Variants in FAM217B observed in about 807,000 individuals in gnomAD.
FAM217B encodes family with sequence similarity 217 member B, also known as protein FAM217B.
For missense variants in FAM217B, 463 were observed against 456.9 expected (o/e 1.01, Z -0.12); for synonymous variants, 163 against 173.0 (o/e 0.94, Z 0.45).
In FAM217B at chr20:59,944,091, GA is replaced by G; in HGVS notation, c.151del (p.Ser51AlafsTer32). ...CCAGCCTACTGAAGAAAAACTTAAA[GA>G]AAGCATTTCCCCGGAAGCAAGACGC... ...VTQPTEEKLK[E>X]SISPEARRKR... On this transcript the variant is annotated frameshift_variant, in exon 4 of 4. Transcript: ENST00000360816. LOFTEE classifies it low-confidence loss of function (END_TRUNC). 2 of 1,613,980 alleles carry G rather than the reference GA, an allele frequency of 1.2e-6. No individual in the cohort carries two copies. Among genetic ancestry groups the G allele is most frequent in the Non-Finnish European group, 1.7e-6 (2 of 1,179,916 alleles).
chr20:59,939,260 G>A, upstream of FAM217B: 1 of 1,611,578 alleles, frequency 6.2e-7, no homozygotes. Flanking sequence ...CTGCGGGCCC[G>A]CGCCACCGCG....
At chr20:59,936,680 A>G (rs2060864187), upstream of FAM217B, 2 of 152,360 alleles carry the variant, frequency 1.3e-5, no homozygotes, top group South Asian at 4.1e-4. Context: ...CAATGACAAA[A>G]TTTATTTTTG....
At chr20:59,934,021 C>G (rs1229179828) in intron 1 of FAM217B, among the ~76,000 whole-genome samples, 1 of 152,124 alleles carries the variant, frequency 6.6e-6, no homozygotes, top group African/African-American at 2.4e-5. Context: ...GGGACGGAAG[C>G]GCGGGCGGGA....
rs922408102 is a variant in FAM217B, at chr20:59,946,539, C to A, written c.*1444C>A. 6.0e-6 allele frequency: 1 copy of A among 166,942 alleles called. No homozygotes were observed. The highest frequency in any genetic ancestry group is 1.5e-5 in the Non-Finnish European group (1 of 68,066). 10.3% of individuals were successfully genotyped at this position (166,942 alleles called of 1,614,324 possible). On this transcript the variant is annotated 3_prime_UTR_variant, in exon 4 of 4. Transcript: ENST00000360816. ...ATTATACGTATATAATTATAAAAAA[C>A]AATGTGCAAGGGTTATATTTTAAGG...
At chr20:59,939,978 C>G (rs770417212), upstream of FAM217B, 48 of 1,243,326 alleles carry the variant, frequency 3.9e-5, no homozygotes, top group Admixed American at 4.0e-5. Context: ...GAGACGACCT[C>G]CCGACCCCGC....
Position 59,944,243 on chromosome 20 carries a change from G to A in FAM217B, c.300G>A (p.Ser100=), listed in dbSNP as rs374917348. The A allele has an allele frequency of 1.9e-6, 3 of 1,614,032 alleles. No individual in the cohort carries two copies. Among genetic ancestry groups the A allele is most frequent in the Non-Finnish European group, 2.5e-6 (3 of 1,180,010 alleles). Residue 100 remains serine (S), a synonymous_variant, in exon 4 of 4, where the codon TCG becomes TCA. Transcript: ENST00000360816. ...ACAGTGCAAGTGATCTCTCTGATTCGGAAAGAATTCCCATTCCTCCTTCTC... is the reference window on the plus strand; with the variant it reads ...ACAGTGCAAGTGATCTCTCTGATTCAGAAAGAATTCCCATTCCTCCTTCTC... ...DEDSASDLSD[S]ERIPIPPSPL... is the part of the protein sequence containing the mutation.
Position 59,944,664 on chromosome 20 carries a change from G to C in FAM217B, c.721G>C (p.Ala241Pro). ...CAAGCCACTACCTCACCAGGAAGGGGCTTCAAAGTCAGGCCCTTCCCGAAA... is the reference window on the plus strand; with the variant it reads ...CAAGCCACTACCTCACCAGGAAGGGCCTTCAAAGTCAGGCCCTTCCCGAAA... ...LSKPLPHQEG[A>P]SKSGPSRKKA... The change falls in exon 4 of 4, where the codon GCT becomes CCT. Residue 241 changes from alanine to proline, a missense_variant. Physicochemically the swap from Ala to Pro is conservative, Grantham distance 27 (BLOSUM62 -1). Transcript: ENST00000360816. The C allele has an allele frequency of 1.2e-6, 2 of 1,614,118 alleles. No individual in the cohort carries two copies. The highest frequency in any genetic ancestry group is 1.7e-6 in the Non-Finnish European group (2 of 1,180,024).
chr20:59,941,164 G>A (rs2060902732), intron 1 of FAM217B, among the ~76,000 whole-genome samples: 1 of 152,224 alleles, frequency 6.6e-6, no homozygotes. Flanking sequence ...AAGCATACCA[G>A]GTGAAATGAA....
upstream of FAM217B, chr20:59,938,957 G>GT: frequency 7.2e-7 from 1 of 1,383,792 alleles, no homozygotes; most frequent in East Asian, 2.5e-5. Context: ...CCAGATAGAT[G>GT]TGAGAGCCCA....
intron 1 of FAM217B, among the ~76,000 whole-genome samples, chr20:59,940,793 G>A (rs2060899769): frequency 6.6e-6 from 1 of 152,184 alleles, no homozygotes; most frequent in African/African-American, 2.4e-5. Context: ...GCCTCACTGC[G>A]TAGAGGAGCA....
chr20:59,937,718 T>A (rs1469913183), upstream of FAM217B: 6 of 152,444 alleles, frequency 3.9e-5, no homozygotes, highest in Admixed American at 3.9e-4. Context: ...CAGACCACTG[T>A]TCAGCACCAA....
chr20:59,945,219 T>A lies in FAM217B; in HGVS notation c.*124T>A, dbSNP rs1041866498. On this transcript the variant is annotated 3_prime_UTR_variant, in exon 4 of 4. Coordinates refer to ENST00000360816, the MANE Select transcript of FAM217B (RefSeq NM_022106.3). The stretch of plus-strand genomic sequence containing the variant: ...CTGACATTTAAGTAGTTGACTGGCA[T>A]TTTTGTCCACCTTTATTTCTACCCT... 3 of 838,148 alleles carry A rather than the reference T, an allele frequency of 3.6e-6. No homozygotes were observed. Among genetic ancestry groups the A allele is most frequent in the African/African-American group, 3.4e-5 (2 of 57,984 alleles). 51.9% of individuals were successfully genotyped at this position (838,148 alleles called of 1,614,324 possible).
At chr20:59,941,625 ATAATATG>A (rs1318171125) in intron 1 of FAM217B, among the ~76,000 whole-genome samples, 3 of 152,238 alleles carry the variant, frequency 2.0e-5, no homozygotes, top group Admixed American at 6.5e-5. Context: ...GAGATGATAT[ATAATATG>A]TAATATGTAT....
rs2060911203 is a variant in FAM217B, at chr20:59,942,517, ATAGTTT to A, written c.-5+10_-5+15del. On this transcript the variant is annotated splice_donor_region_variant and intron_variant, in intron 3 of 3. Transcript: ENST00000360816. ...TGAATCTCATCAGAAAAGCAGGTAA[ATAGTTT>A]TAGTATAATTGCTTTATCTTGCAAA... 1 of 152,208 alleles carries A rather than the reference ATAGTTT, an allele frequency of 6.6e-6. No individual in the cohort carries two copies. The highest frequency in any genetic ancestry group is 2.1e-4 in the South Asian group (1 of 4,830). The allele number at this position is 152,208 out of a possible 1,614,324, so 9.4% of individuals were successfully genotyped here.
At chr20:59,939,305 AGT>A, upstream of FAM217B, 1 of 1,612,256 alleles carries the variant, frequency 6.2e-7, no homozygotes, top group Non-Finnish European at 8.5e-7. Context: ...AGCCCGAGAA[AGT>A]GTAGCGCACA....
chr20:59,942,075 A>G (rs2060908707), intron 1 of FAM217B, 123 bp from the exon 2 acceptor site: 1 of 152,524 alleles, frequency 6.6e-6, no homozygotes, highest in South Asian at 2.1e-4. Flanking sequence ...AAACCACTAT[A>G]TGATCACAGC....
chr20:59,941,567 G>A (rs565603836), intron 1 of FAM217B, among the ~76,000 whole-genome samples: 2 of 152,072 alleles, frequency 1.3e-5, no homozygotes, highest in African/African-American at 4.8e-5. Flanking sequence ...CTCAAAATGA[G>A]AGGGGAATAA....
In FAM217B at chr20:59,947,650, T is replaced by C. The variant is rs1333568669; in HGVS notation, c.*2555T>C. 6.0e-6 allele frequency: 1 copy of C among 167,122 alleles called. No homozygotes were observed. Among genetic ancestry groups the C allele is most frequent in the East Asian group, 1.9e-4 (1 of 5,204 alleles). The allele number at this position is 167,122 out of a possible 1,614,324, so 10.4% of individuals were successfully genotyped here. On this transcript the variant is annotated 3_prime_UTR_variant, in exon 4 of 4. Coordinates refer to ENST00000360816, the MANE Select transcript of FAM217B (RefSeq NM_022106.3). Reference sequence around the variant, plus strand: ...TTTAAAAAGCCTGCAAAAGTGACTTTGCTTGTTTACTTTCTGCCTCAGATT... The same window carrying C: ...TTTAAAAAGCCTGCAAAAGTGACTTCGCTTGTTTACTTTCTGCCTCAGATT...
chr20:59,939,492 T>G, upstream of FAM217B: 1 of 1,612,178 alleles, frequency 6.2e-7, no homozygotes, highest in Non-Finnish European at 8.5e-7. Flanking sequence ...GAACTCCAGG[T>G]CCTGGCTGCT....
Sources: allele counts gnomAD v4.1 joint callset (sites outside exome capture counted in the v4.1 genomes callset), GRCh38; gene constraint gnomAD v4.1.1; transcripts MANE v1.5; gene names NCBI Gene and HGNC (gene_info 2026-07-23, HGNC 2026-07-21).